Variants in ERCC6L2 observed in about 807,000 individuals in gnomAD.
The protein encoded by ERCC6L2 is ERCC excision repair 6 like 2.
Under a neutral mutation model 132.0 loss-of-function variants are expected in ERCC6L2, and 77 were observed. That is an observed-to-expected ratio of 0.58 (90% CI 0.49 to 0.71). The LOEUF is 0.71. Among genes scored for constraint, ERCC6L2 ranks in the 30% least tolerant of loss-of-function variants. ERCC6L2 has a pLI of 0.00. For missense variants in ERCC6L2, 1,542 were observed against 1,837.6 expected (o/e 0.84, Z 2.94); for synonymous variants, 583 against 632.4 (o/e 0.92, Z 1.17).
At chr9:96,036,503 G>T (rs576651225) in intron 19 of ERCC6L2, among the ~76,000 whole-genome samples, 1 of 152,084 alleles carries the variant, frequency 6.6e-6, no homozygotes, top group African/African-American at 2.4e-5. Flanking sequence ...CTCTTCAAGC[G>T]CCTGCTTGCC....
In ERCC6L2 at chr9:95,923,317, C is replaced by T; in HGVS notation, c.1471C>T (p.Gln491Ter). 1 of 1,613,736 alleles carries T rather than the reference C, an allele frequency of 6.2e-7. No individual in the cohort carries two copies. Among genetic ancestry groups the T allele is most frequent in the African/African-American group, 1.3e-5 (1 of 75,012 alleles). ...ATTTTCCAGATTCCCAGATTTTGTG[C>T]AGAAAAGCAAAGATGCAGCCTTTGA... is the stretch of plus-strand genomic sequence containing the variant. Reference protein sequence around the residue: ...QVFSRFPDFVQKSKDAAFETL... With the variant: ...QVFSRFPDFV Residue 491 changes from glutamine to a stop codon, truncating the protein, a stop_gained, in exon 9 of 19, where the codon CAG (glutamine) becomes TAG (stop). Transcript: ENST00000653738. LOFTEE classifies it high-confidence loss of function.
At chr9:95,952,493 G>A (rs1295180982) in intron 12 of ERCC6L2, among the ~76,000 whole-genome samples, 1 of 152,022 alleles carries the variant, frequency 6.6e-6, no homozygotes, top group East Asian at 1.9e-4. Flanking sequence ...AAGGAAAAAA[G>A]ACACATAATC....
At chr9:95,882,986 TTTTG>T (rs1163323078) in intron 2 of ERCC6L2, among the ~76,000 whole-genome samples, 2 of 152,124 alleles carry the variant, frequency 1.3e-5, no homozygotes, top group East Asian at 3.9e-4. Flanking sequence ...CCACAGACAG[TTTTG>T]TTTGTTTGTT....
At chr9:95,939,773 A>G (rs142116276) in intron 11 of ERCC6L2, among the ~76,000 whole-genome samples, 2 of 152,308 alleles carry the variant, frequency 1.3e-5, no homozygotes, top group East Asian at 3.9e-4. Context: ...CTTGTCAGGT[A>G]ATTCCAACAT....
chr9:95,971,527 C>G (rs1233248528), intron 15 of ERCC6L2: 4 of 152,708 alleles, frequency 2.6e-5, no homozygotes, highest in African/African-American at 4.8e-5. Flanking sequence ...CTCCTGTAAT[C>G]TGTCTTATTC....
At chr9:95,968,037 A>G (rs1832241734) in intron 14 of ERCC6L2, 1 of 152,236 alleles carries the variant, frequency 6.6e-6, no homozygotes, top group Admixed American at 6.5e-5. Flanking sequence ...GTGTTATATA[A>G]GACATATCAG....
intron 14 of ERCC6L2, 48 bp downstream of exon 14, chr9:95,966,762 TTTC>T (rs772512895): frequency 6.0e-6 from 8 of 1,339,636 alleles, no homozygotes; most frequent in Non-Finnish European, 7.8e-6. Flanking sequence ...AAATACAGTT[TTTC>T]TTCCTCAGGA....
chr9:95,922,541 T>G, intron 8 of ERCC6L2, 123 bp downstream of exon 8: 1 of 637,538 alleles, frequency 1.6e-6, no homozygotes, highest in Non-Finnish European at 2.7e-6. Context: ...TTTGCTTATT[T>G]TTAAATGTAG....
intron 2 of ERCC6L2, among the ~76,000 whole-genome samples, chr9:95,884,885 G>A (rs1171388079): frequency 6.6e-6 from 1 of 152,138 alleles, no homozygotes; most frequent in African/African-American, 2.4e-5. Flanking sequence ...AGAATTTGAG[G>A]GGGTTTCTTT....
Position 95,876,096 on chromosome 9 carries a change from G to A in ERCC6L2, c.46+12G>A. 6.4e-7 allele frequency: 1 copy of A among 1,563,756 alleles called. No homozygotes were observed. Among genetic ancestry groups the A allele is most frequent in the South Asian group, 1.2e-5 (1 of 84,954 alleles). On this transcript the variant is annotated intron_variant, in intron 1 of 18. Coordinates refer to ENST00000653738, the MANE Select transcript of ERCC6L2 (RefSeq NM_020207.7). ...AACCTCAGGCAAAGGTACCAGCTCC[G>A]CGCTCGCCCCTTACGCAGAGGCCTG...
At chr9:95,954,232 G>A (rs1831486788) in intron 12 of ERCC6L2, among the ~76,000 whole-genome samples, 1 of 152,118 alleles carries the variant, frequency 6.6e-6, no homozygotes, top group Non-Finnish European at 1.5e-5. Context: ...CAGCTGTCAA[G>A]GAAATTGGTC....
chr9:95,882,595 G>T (rs1173142306), intron 2 of ERCC6L2, among the ~76,000 whole-genome samples: 1 of 151,850 alleles, frequency 6.6e-6, no homozygotes, highest in African/African-American at 2.4e-5. Flanking sequence ...AAAGGTTTAA[G>T]TGGAAAACTA....
intron 17 of ERCC6L2, among the ~76,000 whole-genome samples, chr9:95,983,708 T>G (rs1385316301): frequency 6.6e-6 from 1 of 152,198 alleles, no homozygotes; most frequent in Non-Finnish European, 1.5e-5. Context: ...TTTTTATAGG[T>G]GAATAAAGCA....
intron 12 of ERCC6L2, among the ~76,000 whole-genome samples, chr9:95,944,644 G>A (rs185720487): frequency 1.5e-3 from 219 of 150,474 alleles, no homozygotes; most frequent in African/African-American, 5.3e-3. Context: ...GCCAGATATC[G>A]GGCGAAATTC....
At chr9:95,882,586 A>G (rs1431926928) in intron 2 of ERCC6L2, among the ~76,000 whole-genome samples, 1 of 152,190 alleles carries the variant, frequency 6.6e-6, no homozygotes, top group African/African-American at 2.4e-5. Context: ...TTGGAACTCA[A>G]AGGTTTAAGT....
intron 17 of ERCC6L2, among the ~76,000 whole-genome samples, chr9:95,995,776 T>A (rs746420255): frequency 1.3e-5 from 2 of 152,206 alleles, no homozygotes; most frequent in African/African-American, 4.8e-5. Flanking sequence ...ACATGCATGA[T>A]CTTTGATGTT....
chr9:96,010,781 A>G (rs2133220398), intron 18 of ERCC6L2, among the ~76,000 whole-genome samples: 1 of 152,252 alleles, frequency 6.6e-6, no homozygotes, highest in South Asian at 2.1e-4. Flanking sequence ...ATTTTCATGC[A>G]TTTGTCTAGC....
chr9:95,922,066 T>G (rs554193212), intron 7 of ERCC6L2, among the ~76,000 whole-genome samples: 3 of 152,210 alleles, frequency 2.0e-5, no homozygotes, highest in African/African-American at 7.2e-5. Context: ...ATAAATACTT[T>G]CTGTAATAAG....
intron 12 of ERCC6L2, among the ~76,000 whole-genome samples, chr9:95,948,789 TA>T (rs1383735527): frequency 1.2e-5 from 1 of 84,160 alleles, no homozygotes; most frequent in Non-Finnish European, 2.4e-5. Flanking sequence ...CACAAGACAT[TA>T]GAAAAAAAAA....
Sources: allele counts gnomAD v4.1 joint callset (sites outside exome capture counted in the v4.1 genomes callset), GRCh38; gene constraint gnomAD v4.1.1; transcripts MANE v1.5; gene names NCBI Gene and HGNC (gene_info 2026-07-23, HGNC 2026-07-21).